Variants in SLC12A9 observed in about 807,000 individuals in gnomAD.
SLC12A9 encodes the protein solute carrier family 12 member 9.
A neutral mutation model predicts 66.0 loss-of-function variants in SLC12A9; 55 were observed. That is an observed-to-expected ratio of 0.83 (90% CI 0.67 to 1.04). The LOEUF (loss-of-function observed/expected upper bound fraction) is 1.04. Ranked by LOEUF, SLC12A9 falls within the 50% of genes least tolerant of loss-of-function variation. The pLI is 0.00. For synonymous variants in SLC12A9, 577 were observed against 569.0 expected (o/e 1.01, Z -0.20); for missense variants, 1,061 against 1,241.9 (o/e 0.85, Z 2.19).
intron 1 of SLC12A9, among the ~76,000 whole-genome samples, chr7:100,833,819 G>C (rs1050812328): frequency 1.3e-5 from 2 of 151,188 alleles, no homozygotes; most frequent in Non-Finnish European, 2.9e-5. Context: ...TGTAGTCCCA[G>C]CTACTTGGGA....
intron 1 of SLC12A9, among the ~76,000 whole-genome samples, chr7:100,853,736 T>A (rs911567036): frequency 6.6e-6 from 1 of 151,536 alleles, no homozygotes; most frequent in African/African-American, 2.4e-5. Context: ...TAATTTTTTT[T>A]TTTTTCTTGT....
In SLC12A9 at chr7:100,860,169, C is replaced by T; in HGVS notation, c.1155C>T (p.Ala385=). The T allele has an allele frequency of 6.2e-7, 1 of 1,614,214 alleles. No individual in the cohort carries two copies. Among genetic ancestry groups the T allele is most frequent in the Non-Finnish European group, 8.5e-7 (1 of 1,180,044 alleles). ...DDLFGVILAP[A]KVVSRGGNPW... Reference sequence around the variant, plus strand: ...TTCTAGGCGTGATCTTGGCACCGGCCAAGGTTGTGTCCCGAGGGGGAAACC... The same window carrying T: ...TTCTAGGCGTGATCTTGGCACCGGCTAAGGTTGTGTCCCGAGGGGGAAACC... The change falls in exon 9 of 14, where the codon GCC becomes GCT. Residue 385 remains alanine, a synonymous_variant. Coordinates refer to ENST00000354161, the MANE Select transcript of SLC12A9 (RefSeq NM_020246.4).
intron 1 of SLC12A9, among the ~76,000 whole-genome samples, chr7:100,842,787 C>T (rs1016170619): frequency 6.6e-6 from 1 of 152,236 alleles, no homozygotes; most frequent in Admixed American, 6.5e-5. Flanking sequence ...CCCAGACTGT[C>T]CCCCTTCCAC....
In SLC12A9 at chr7:100,861,205, A is replaced by G. The variant is rs959025951; in HGVS notation, c.1286A>G (p.Tyr429Cys). Residue 429 changes from tyrosine (Y) to cysteine (C), a missense_variant, in exon 10 of 14, where the codon TAT becomes TGT. Transcript: ENST00000354161. The surrounding 1 kb of genome is among the most constrained non-coding windows in gnomAD (Gnocchi z 5.3). ...GTCACTGTCTTCTACCTGGTGGCCTATGCTGCCGTGGACCTGTCCTGCCTG... is the reference window on the plus strand; with the variant it reads ...GTCACTGTCTTCTACCTGGTGGCCTGTGCTGCCGTGGACCTGTCCTGCCTG... ...AVVTVFYLVA[Y>C]AAVDLSCLSL... The G allele has an allele frequency of 5.6e-6, 9 of 1,614,082 alleles. No homozygotes were observed. Among genetic ancestry groups the G allele is most frequent in the Admixed American group, 3.3e-5 (2 of 60,010 alleles).
intron 1 of SLC12A9, among the ~76,000 whole-genome samples, chr7:100,838,226 C>A (rs559953060): frequency 6.6e-5 from 10 of 152,162 alleles, no homozygotes; most frequent in Non-Finnish European, 1.0e-4. Flanking sequence ...GTCTCACACT[C>A]CTGGGCTCAA....
rs151319031 is a variant in SLC12A9 at position 100,854,295 on chromosome 7, C to T, written c.98C>T (p.Ser33Phe). The T allele has an allele frequency of 6.2e-7, 1 of 1,600,180 alleles. No homozygotes were observed. The highest frequency in any genetic ancestry group is 8.5e-7 in the Non-Finnish European group (1 of 1,176,458). Residue 33 changes from serine to phenylalanine, a missense_variant, in exon 2 of 14, where the codon TCT (serine) becomes TTT (phenylalanine). Ser to Phe is a radical substitution (Grantham distance 155, BLOSUM62 -2). Transcript: ENST00000354161. ...ANGAGGPGGA[S>F]ARKLSTFLGV... ...GGGGCCGGGGGTCCTGGAGGGGCGT[C>T]TGCCCGGAAGCTGTCCACCTTCCTG...
In SLC12A9 at chr7:100,854,217, CTCT is replaced by C; in HGVS notation, c.21_23del (p.Leu9del). The C allele has an allele frequency of 6.4e-7, 1 of 1,571,194 alleles. No individual in the cohort carries two copies. The highest frequency in any genetic ancestry group is 1.2e-5 in the South Asian group (1 of 81,976). ...TCAGCCATGGCCAGCGAGAGCTCACCTCTGCTGGCCTACCGGCTCCTGGGGGAG... is the reference window on the plus strand; with the variant it reads ...TCAGCCATGGCCAGCGAGAGCTCACCGCTGGCCTACCGGCTCCTGGGGGAG... On this transcript the variant is annotated inframe_deletion, in exon 2 of 14. Coordinates refer to ENST00000354161, the MANE Select transcript of SLC12A9 (RefSeq NM_020246.4).
upstream of SLC12A9, among the ~76,000 whole-genome samples, chr7:100,847,968 C>T (rs896308830): frequency 2.6e-5 from 4 of 151,162 alleles, no homozygotes; most frequent in African/African-American, 7.3e-5. Context: ...TGCCTGTAAT[C>T]CCAGCTACTT....
At chr7:100,858,007 T>C (rs1422920300) in intron 5 of SLC12A9, 2 of 149,400 alleles carry the variant, frequency 1.3e-5, no homozygotes, top group African/African-American at 5.0e-5. Flanking sequence ...TCCCAGCTAC[T>C]CAGGAGGCTG....
At chr7:100,846,181 A>T (rs370136896) in intron 1 of SLC12A9, among the ~76,000 whole-genome samples, 2 of 152,340 alleles carry the variant, frequency 1.3e-5, no homozygotes, top group East Asian at 1.9e-4. Flanking sequence ...GTGCTAAGAG[A>T]ATTTAAAAGT....
At chr7:100,845,744 T>C (rs1180258626) in intron 1 of SLC12A9, among the ~76,000 whole-genome samples, 1 of 152,204 alleles carries the variant, frequency 6.6e-6, no homozygotes, top group Non-Finnish European at 1.5e-5. Context: ...AAGAGAAGCA[T>C]AGCCATAGGA....
chr7:100,865,408 G>A (rs555485533), intron 13 of SLC12A9: 21 of 1,536,156 alleles, frequency 1.4e-5, no homozygotes, highest in Middle Eastern at 3.3e-4. Context: ...GCTAGAAGCC[G>A]GGAGTGGACA....
upstream of SLC12A9, among the ~76,000 whole-genome samples, chr7:100,850,812 C>T (rs190686196): frequency 2.6e-4 from 39 of 151,370 alleles, no homozygotes; most frequent in East Asian, 6.5e-3. Flanking sequence ...CTCCGCCTCC[C>T]GTGTTCAAGC....
chr7:100,830,022 T>C (rs1013200275), intron 1 of SLC12A9, among the ~76,000 whole-genome samples: 2 of 151,202 alleles, frequency 1.3e-5, no homozygotes, highest in Admixed American at 6.6e-5. Flanking sequence ...AGCCACACTC[T>C]GTCTCCAAAA....
intron 1 of SLC12A9, among the ~76,000 whole-genome samples, chr7:100,843,261 C>G (rs747359513): frequency 6.6e-6 from 1 of 152,174 alleles, no homozygotes; most frequent in Non-Finnish European, 1.5e-5. Flanking sequence ...TCTTTTGACT[C>G]TCATGTCTAT....
intron 1 of SLC12A9, among the ~76,000 whole-genome samples, chr7:100,840,943 G>A (rs1367804815): frequency 4.6e-5 from 7 of 151,848 alleles, no homozygotes; most frequent in East Asian, 1.9e-4. Flanking sequence ...AGTGACCCGC[G>A]GATGGCCCAA....
At chr7:100,841,315 A>G (rs188560912) in intron 1 of SLC12A9, among the ~76,000 whole-genome samples, 1 of 147,304 alleles carries the variant, frequency 6.8e-6, no homozygotes, top group Non-Finnish European at 1.5e-5. Flanking sequence ...AAAACTATTT[A>G]AAAAAAAAAA....
chr7:100,866,387 G>C lies in SLC12A9; in HGVS notation c.2527G>C (p.Ala843Pro), dbSNP rs1272455613. ...LARSANALVRAQQGRGTGGGP... is the reference protein window; with the variant it reads ...LARSANALVRPQQGRGTGGGP... ...ACGCAGCGCCAACGCCCTGGTTCGGGCCCAGCAGGGGCGCGGCACAGGAGG... is the reference window on the plus strand; with the variant it reads ...ACGCAGCGCCAACGCCCTGGTTCGGCCCCAGCAGGGGCGCGGCACAGGAGG... The change falls in exon 14 of 14, where the codon GCC (alanine) becomes CCC (proline). Residue 843 changes from alanine (A) to proline (P), a missense_variant. Ala to Pro is a conservative substitution (Grantham distance 27). Coordinates refer to ENST00000354161, the MANE Select transcript of SLC12A9 (RefSeq NM_020246.4). The surrounding 1 kb of genome is among the most constrained non-coding windows in gnomAD (Gnocchi z 7.3). 19 of 1,530,390 alleles carry C rather than the reference G, an allele frequency of 1.2e-5. No individual in the cohort carries two copies. The highest frequency in any genetic ancestry group is 1.7e-5 in the Non-Finnish European group (19 of 1,136,490). 94.8% of individuals were successfully genotyped at this position (1,530,390 alleles called of 1,614,324 possible).
chr7:100,835,328 CG>C (rs1291527279), intron 1 of SLC12A9, among the ~76,000 whole-genome samples: 2 of 145,024 alleles, frequency 1.4e-5, no homozygotes, highest in African/African-American at 5.2e-5. Flanking sequence ...GCACTCCAGC[CG>C]GGGCAACAAA....
Sources: gnomAD v4.1 joint callset for allele counts (sites outside exome capture counted in the v4.1 genomes callset) on GRCh38, gnomAD v4.1.1 for gene constraint, Gnocchi (gnomAD v3.1) non-coding constraint, MANE v1.5 for transcripts, NCBI Gene and HGNC (gene_info 2026-07-23, HGNC 2026-07-21) for gene names.